The following PAK5 variants were observed in gnomAD, a reference collection of about 807,000 sequenced individuals.
PAK5 encodes the protein serine/threonine-protein kinase PAK 5.
Under a neutral mutation model 65.9 loss-of-function variants are expected in PAK5, and 16 were observed. The ratio of observed to expected loss-of-function variants is 0.24; its 90% CI spans 0.16 to 0.37. The LOEUF (loss-of-function observed/expected upper bound fraction) is 0.37, where lower values mean the gene tolerates loss of function less well. PAK5 is among the 10% of genes least tolerant of loss of function. The probability of loss-of-function intolerance (pLI) is 1.00; values close to 1 mark genes in which losing one functional copy is unlikely to be tolerated. For synonymous variants in PAK5, 371 were observed against 354.9 expected (o/e 1.05, Z -0.51); for missense variants, 785 against 903.9 (o/e 0.87, Z 1.69).
intron 5 of PAK5, among the ~76,000 whole-genome samples, chr20:9,564,372 C>T (rs1398483349): frequency 6.6e-6 from 1 of 152,114 alleles, no homozygotes; most frequent in African/African-American, 2.4e-5. Flanking sequence ...TCCTACACAT[C>T]AATAAAACAA....
At chr20:9,819,853 T>G (rs78331933) in intron 1 of PAK5, among the ~76,000 whole-genome samples, 1 of 152,156 alleles carries the variant, frequency 6.6e-6, no homozygotes, top group African/African-American at 2.4e-5. Context: ...TTAGAACTAT[T>G]GGGCTAGAGA....
At chr20:9,567,120 T>C (rs1473487686) in intron 4 of PAK5, among the ~76,000 whole-genome samples, 4 of 152,154 alleles carry the variant, frequency 2.6e-5, no homozygotes, top group African/African-American at 9.7e-5. Flanking sequence ...ACTCCTGGAA[T>C]TGCTGAGGCC....
At chr20:9,718,743 T>A (rs2048180298) in intron 1 of PAK5, among the ~76,000 whole-genome samples, 1 of 152,246 alleles carries the variant, frequency 6.6e-6, no homozygotes, top group Non-Finnish European at 1.5e-5. Flanking sequence ...AAAATTAATA[T>A]GGATCATCTT....
intron 1 of PAK5, among the ~76,000 whole-genome samples, chr20:9,809,024 T>C (rs2049266027): frequency 6.6e-6 from 1 of 152,154 alleles, no homozygotes; most frequent in Non-Finnish European, 1.5e-5. Context: ...GGTATGTCGA[T>C]GTTCTTTATA....
chr20:9,543,051 T>C (rs556034440), intron 8 of PAK5, among the ~76,000 whole-genome samples: 2 of 152,346 alleles, frequency 1.3e-5, no homozygotes, highest in African/African-American at 4.8e-5. Flanking sequence ...TTTAATGCTA[T>C]GAAAATGGAG....
intron 1 of PAK5, among the ~76,000 whole-genome samples, chr20:9,745,805 C>T (rs1190730348): frequency 6.6e-6 from 1 of 151,878 alleles, no homozygotes; most frequent in African/African-American, 2.4e-5. Context: ...TGAGTTAATT[C>T]TGCCTAAATC....
At chr20:9,811,021 G>C (rs1478944314) in intron 1 of PAK5, among the ~76,000 whole-genome samples, 2 of 152,160 alleles carry the variant, frequency 1.3e-5, no homozygotes, top group Non-Finnish European at 2.9e-5. Context: ...ATCAGCAATA[G>C]AAGCAGTATA....
intron 2 of PAK5, among the ~76,000 whole-genome samples, chr20:9,684,644 T>A (rs2047693994): frequency 6.6e-6 from 1 of 152,218 alleles, no homozygotes; most frequent in South Asian, 2.1e-4. Flanking sequence ...TTTCTATAAA[T>A]GCATTTTTTT....
intron 3 of PAK5, among the ~76,000 whole-genome samples, chr20:9,596,834 C>T (rs1192294467): frequency 6.6e-6 from 1 of 152,140 alleles, no homozygotes; most frequent in Non-Finnish European, 1.5e-5. Context: ...TGTCCTAATG[C>T]AGTGCGTATT....
chr20:9,572,062 G>T lies in PAK5; in HGVS notation c.991-5678C>A, dbSNP rs535470119. ...GGAGAGGGGGTGAAAGACAAATTAA[G>T]GGTTTTTTTTTTTTTTTTGGCTTGT... On this transcript the variant is annotated intron_variant, in intron 4 of 9. Coordinates refer to ENST00000353224, the MANE Select transcript of PAK5 (RefSeq NM_177990.4). 6.2e-5 allele frequency among the ~76,000 whole-genome samples: 8 copies of T among 129,682 alleles called. No individual in the cohort carries two copies. The East Asian group carries it at 1.1e-3, about 17-fold the overall frequency. 85.1% of individuals were successfully genotyped at this position (129,682 alleles called of 152,430 possible).
At chr20:9,773,127 T>C (rs2048852076) in intron 1 of PAK5, among the ~76,000 whole-genome samples, 1 of 152,190 alleles carries the variant, frequency 6.6e-6, no homozygotes, top group Non-Finnish European at 1.5e-5. Context: ...CAAGCTGGCT[T>C]TGCCTAAAGA....
intron 3 of PAK5, among the ~76,000 whole-genome samples, chr20:9,586,860 A>G (rs768015800): frequency 1.9e-4 from 29 of 152,182 alleles, no homozygotes; most frequent in Non-Finnish European, 3.7e-4. Flanking sequence ...GAAATGACAA[A>G]GACTGCCAAT....
chr20:9,770,470 T>C (rs890322837), intron 1 of PAK5, among the ~76,000 whole-genome samples: 17 of 152,102 alleles, frequency 1.1e-4, no homozygotes, highest in Admixed American at 1.0e-3. Context: ...TAAGGACCCA[T>C]GCGTGGTTTG....
intron 1 of PAK5, among the ~76,000 whole-genome samples, chr20:9,835,004 A>G (rs1979029016): frequency 1.3e-5 from 2 of 152,210 alleles, no homozygotes. Context: ...CTTCTAGCCT[A>G]AATCAGTTCT....
intron 1 of PAK5, among the ~76,000 whole-genome samples, chr20:9,771,382 A>G (rs1831252087): frequency 6.6e-6 from 1 of 151,932 alleles, no homozygotes; most frequent in South Asian, 2.1e-4. Context: ...GCGGAGTGTC[A>G]AGAAAGAGCA....
chr20:9,677,180 T>C (rs1217898742), intron 2 of PAK5, among the ~76,000 whole-genome samples: 1 of 152,160 alleles, frequency 6.6e-6, no homozygotes, highest in African/African-American at 2.4e-5. Flanking sequence ...TTTCACTTCA[T>C]AATGTATTCA....
At chr20:9,679,636 T>C (rs930414165) in intron 2 of PAK5, among the ~76,000 whole-genome samples, 11 of 152,276 alleles carry the variant, frequency 7.2e-5, no homozygotes, top group Non-Finnish European at 1.6e-4. Context: ...CAAAGCATTA[T>C]AAATAGGGCA....
intron 1 of PAK5, among the ~76,000 whole-genome samples, chr20:9,803,185 T>C (rs1380761504): frequency 6.6e-6 from 1 of 151,784 alleles, no homozygotes; most frequent in Non-Finnish European, 1.5e-5. Context: ...ACGGCTAGTG[T>C]TATGAAAGCA....
intron 1 of PAK5, among the ~76,000 whole-genome samples, chr20:9,808,487 G>A (rs2049259341): frequency 6.6e-6 from 1 of 152,132 alleles, no homozygotes; most frequent in African/African-American, 2.4e-5. Flanking sequence ...CCAAAAAGCA[G>A]AAACAATTCA....
Sources: gnomAD v4.1 joint callset for allele counts (sites outside exome capture counted in the v4.1 genomes callset) on GRCh38, gnomAD v4.1.1 for gene constraint, MANE v1.5 for transcripts, NCBI Gene and HGNC (gene_info 2026-07-23, HGNC 2026-07-21) for gene names.